The following EYS variants were observed in gnomAD, a reference collection of about 807,000 sequenced individuals.
The protein encoded by EYS is EGF-like photoreceptor maintenance factor.
In EYS, 250 loss-of-function variants were observed where a neutral mutation model predicts 282.1. The observed-to-expected ratio is 0.89, with a 90% CI of 0.80 to 0.98. The LOEUF is 0.98. Ranked by LOEUF, EYS falls within the 50% of genes least tolerant of loss-of-function variation. The pLI is 0.00. For missense variants in EYS, 4,016 were observed against 3,709.0 expected, an observed-to-expected ratio of 1.08 and a Z score of -2.15; for synonymous variants, 1,355 against 1,282.9, an observed-to-expected ratio of 1.06 and a Z score of -1.20.
At chr6:65,410,418 C>T (rs1443353678) in intron 5 of EYS, among the ~76,000 whole-genome samples, 1 of 151,996 alleles carries the variant, frequency 6.6e-6, no homozygotes, top group Non-Finnish European at 1.5e-5. Flanking sequence ...ACCATCTCTT[C>T]TAGCCGTTTT....
intron 22 of EYS, among the ~76,000 whole-genome samples, chr6:64,796,689 G>A (rs529227624): frequency 4.6e-5 from 7 of 152,192 alleles, no homozygotes; most frequent in South Asian, 2.1e-4. Flanking sequence ...AGTACTGTAC[G>A]TTGAGCCAGA....
intron 22 of EYS, among the ~76,000 whole-genome samples, chr6:64,642,319 C>A (rs1768184480): frequency 6.6e-6 from 1 of 151,978 alleles, no homozygotes; most frequent in Non-Finnish European, 1.5e-5. Context: ...TTAATAATTA[C>A]CAGTTTTCAG....
intron 19 of EYS, among the ~76,000 whole-genome samples, chr6:64,837,649 G>T (rs150039519): frequency 0.041 from 5,867 of 141,634 alleles, 163 homozygotes; most frequent in East Asian, 0.11. Flanking sequence ...TGATATATAT[G>T]ATATATGATA....
intron 12 of EYS, among the ~76,000 whole-genome samples, chr6:65,123,626 G>A (rs997903357): frequency 4.6e-5 from 7 of 152,162 alleles, no homozygotes; most frequent in African/African-American, 1.7e-4. Context: ...AAACCAGAGT[G>A]GCTAATATAT....
At chr6:64,165,389 TTAAG>T (rs1225973845) in intron 31 of EYS, among the ~76,000 whole-genome samples, 1 of 152,094 alleles carries the variant, frequency 6.6e-6, no homozygotes, top group African/African-American at 2.4e-5. Flanking sequence ...GTTTAATGTA[TTAAG>T]TAACAATAGT....
intron 36 of EYS, among the ~76,000 whole-genome samples, chr6:63,853,485 G>C (rs1021414498): frequency 3.3e-5 from 5 of 152,126 alleles, no homozygotes; most frequent in African/African-American, 1.2e-4. Context: ...AATAAGAGAG[G>C]ACACAGACAA....
intron 36 of EYS, among the ~76,000 whole-genome samples, chr6:63,849,411 G>T (rs1216007928): frequency 6.6e-6 from 1 of 152,130 alleles, no homozygotes; most frequent in Non-Finnish European, 1.5e-5. Context: ...TCCCAGCAGT[G>T]GTTGAAAGAC....
rs41516844 is a variant in EYS at position 64,912,943 on chromosome 6, C to A, written c.2382-200G>T. 0.051 allele frequency among the ~76,000 whole-genome samples: 7,806 copies of A among 152,044 alleles called. 262 individuals are homozygous for A. Among genetic ancestry groups the A allele is most frequent in the East Asian group, 0.13 (676 of 5,178 alleles). ...TATATATTACCATAAAACTTACCAC[C>A]TTGGCTGAAATAAGATTTTAAAAGC... On this transcript the variant is annotated intron_variant, in intron 15 of 42. Coordinates refer to ENST00000503581, the MANE Select transcript of EYS (RefSeq NM_001142800.2).
At chr6:65,396,846 CTATTT>C (rs1766295957) in intron 7 of EYS, among the ~76,000 whole-genome samples, 1 of 151,896 alleles carries the variant, frequency 6.6e-6, no homozygotes, top group Non-Finnish European at 1.5e-5. Flanking sequence ...GCAACCTATT[CTATTT>C]TTTCTTCTAT....
At chr6:64,735,430 T>C (rs1772155462) in intron 22 of EYS, among the ~76,000 whole-genome samples, 1 of 152,206 alleles carries the variant, frequency 6.6e-6, no homozygotes, top group Non-Finnish European at 1.5e-5. Flanking sequence ...CTTATTTATT[T>C]AAATTTGGAT....
At chr6:64,519,730 T>A (rs1334491280) in intron 26 of EYS, among the ~76,000 whole-genome samples, 1 of 151,808 alleles carries the variant, frequency 6.6e-6, no homozygotes, top group Non-Finnish European at 1.5e-5. Context: ...TTGAAGAATA[T>A]CTTTAGAGAG....
At chr6:64,245,291 TTTG>T (rs1282451295) in intron 30 of EYS, among the ~76,000 whole-genome samples, 4 of 151,176 alleles carry the variant, frequency 2.6e-5, no homozygotes. Flanking sequence ...GGTTGTTTTG[TTTG>T]TTTTGTTTTT....
chr6:64,937,547 T>C (rs1469822340), intron 15 of EYS, among the ~76,000 whole-genome samples: 1 of 151,722 alleles, frequency 6.6e-6, no homozygotes, highest in African/African-American at 2.4e-5. Context: ...ATGAGCTGTA[T>C]TATTAGTCCT....
At chr6:65,003,346 A>G (rs977228575) in intron 13 of EYS, among the ~76,000 whole-genome samples, 1 of 147,132 alleles carries the variant, frequency 6.8e-6, no homozygotes, top group Non-Finnish European at 1.5e-5. Context: ...GAAAGAGGAA[A>G]TTCCTGCCTA....
chr6:64,599,231 A>G (rs62415843), intron 24 of EYS, among the ~76,000 whole-genome samples: 14,902 of 152,222 alleles, frequency 0.098, 892 homozygotes, highest in East Asian at 0.16. Flanking sequence ...TATACACTCA[A>G]TGGAGCTTGG....
intron 33 of EYS, among the ~76,000 whole-genome samples, chr6:64,045,940 ATGTG>A (rs1770605298): frequency 6.8e-6 from 1 of 147,612 alleles, no homozygotes; most frequent in Non-Finnish European, 1.5e-5. Context: ...TAATACATAT[ATGTG>A]TGTATTATAT....
intron 5 of EYS, among the ~76,000 whole-genome samples, chr6:65,435,754 T>C (rs1001588887): frequency 6.6e-5 from 10 of 152,112 alleles, no homozygotes; most frequent in African/African-American, 2.4e-4. Context: ...AGTAACTGTA[T>C]TTTTACATAG....
chr6:65,584,266 T>A (rs1393193936), intron 2 of EYS, among the ~76,000 whole-genome samples: 1 of 152,094 alleles, frequency 6.6e-6, no homozygotes, highest in Non-Finnish European at 1.5e-5. Flanking sequence ...TTGGCAACAG[T>A]TGAAGACATT....
chr6:65,384,629 A>T, intron 7 of EYS, 129 bp from the exon 8 acceptor site: 1 of 610,572 alleles, frequency 1.6e-6, no homozygotes, highest in Non-Finnish European at 2.9e-6. Flanking sequence ...TTTTTAATAC[A>T]TACCTGTGAT....
Sources: gnomAD v4.1 joint callset for allele counts (sites outside exome capture counted in the v4.1 genomes callset) on GRCh38, gnomAD v4.1.1 for gene constraint, MANE v1.5 for transcripts, NCBI Gene and HGNC (gene_info 2026-07-23, HGNC 2026-07-21) for gene names.